MAST4: variants seen among roughly 807,000 people sequenced by gnomAD.
The protein encoded by MAST4 is microtubule associated serine/threonine kinase family member 4, also known as microtubule-associated serine/threonine-protein kinase 4.
A neutral mutation model predicts 162.7 loss-of-function variants in MAST4; 89 were observed. The ratio of observed to expected loss-of-function variants is 0.55; its 90% CI spans 0.46 to 0.65. MAST4 has a LOEUF of 0.65. Ranked by LOEUF, MAST4 falls within the 30% of genes least tolerant of loss-of-function variation. The pLI is 0.00. For synonymous variants in MAST4, 1,479 were observed against 1,361.1 expected (o/e 1.09, Z -1.91); for missense variants, 3,153 against 3,374.0 (o/e 0.93, Z 1.62).
intron 1 of MAST4, among the ~76,000 whole-genome samples, chr5:66,749,309 T>C (rs1752986451): frequency 6.6e-6 from 1 of 152,138 alleles, no homozygotes; most frequent in South Asian, 2.1e-4. Flanking sequence ...CAATTCCCAC[T>C]GGGGCTAGGT....
intron 1 of MAST4, among the ~76,000 whole-genome samples, chr5:66,710,637 C>T (rs1206391150): frequency 6.6e-6 from 1 of 152,088 alleles, no homozygotes; most frequent in Admixed American, 6.5e-5. Flanking sequence ...AAATAGGTAT[C>T]TTCCTTCTGT....
At chr5:66,695,307 C>G (rs193106366) in intron 1 of MAST4, among the ~76,000 whole-genome samples, 6 of 152,196 alleles carry the variant, frequency 3.9e-5, no homozygotes, top group African/African-American at 1.2e-4. Context: ...TCAGGTTTGC[C>G]GAAGATCGGA....
At chr5:66,832,967 G>A (rs920898863) in intron 3 of MAST4, among the ~76,000 whole-genome samples, 10 of 152,132 alleles carry the variant, frequency 6.6e-5, no homozygotes, top group African/African-American at 2.4e-4. Flanking sequence ...TCCGAGTGGT[G>A]TTTCTTACCC....
chr5:66,951,598 A>ATATG (rs3221116), intron 4 of MAST4, among the ~76,000 whole-genome samples: 3 of 122,340 alleles, frequency 2.5e-5, no homozygotes, highest in African/African-American at 6.0e-5. Context: ...CTCCCATGAT[A>ATATG]TGTGTGTGTG....
At chr5:67,120,687 A>G (rs183665600) in intron 13 of MAST4, among the ~76,000 whole-genome samples, 2 of 152,326 alleles carry the variant, frequency 1.3e-5, no homozygotes, top group Admixed American at 6.5e-5. Context: ...CAGAAACCAA[A>G]AGGAAAGCTT....
At chr5:66,838,337 CT>C (rs1349942662) in intron 3 of MAST4, among the ~76,000 whole-genome samples, 1 of 152,002 alleles carries the variant, frequency 6.6e-6, no homozygotes, top group Non-Finnish European at 1.5e-5. Flanking sequence ...AATGTATGTG[CT>C]TTTTTGATGA....
chr5:67,063,326 G>A (rs567294053), intron 5 of MAST4, among the ~76,000 whole-genome samples: 44 of 152,216 alleles, frequency 2.9e-4, no homozygotes, highest in Non-Finnish European at 5.1e-4. Flanking sequence ...GTCAATAATC[G>A]GGTGTATATA....
chr5:66,825,873 G>T (rs534470675), intron 3 of MAST4, among the ~76,000 whole-genome samples: 1 of 152,238 alleles, frequency 6.6e-6, no homozygotes, highest in African/African-American at 2.4e-5. Flanking sequence ...ATTGAGGCTG[G>T]TACTTTGTGA....
intron 16 of MAST4, among the ~76,000 whole-genome samples, chr5:67,132,907 C>A (rs1030201190): frequency 2.0e-5 from 3 of 151,972 alleles, no homozygotes; most frequent in Non-Finnish European, 2.9e-5. Context: ...TTAAAAAATA[C>A]CTCTATTCTT....
chr5:67,007,459 T>A (rs1339137437), intron 4 of MAST4, among the ~76,000 whole-genome samples: 1 of 152,228 alleles, frequency 6.6e-6, no homozygotes, highest in African/African-American at 2.4e-5. Flanking sequence ...TTAGTTCCTC[T>A]CCTGCACACT....
intron 23 of MAST4, 135 bp downstream of exon 23, chr5:67,145,514 C>A: frequency 2.9e-6 from 2 of 688,052 alleles, no homozygotes; most frequent in Non-Finnish European, 4.9e-6. Context: ...TGGCCTCAGT[C>A]CTTAGGCTTG....
intron 1 of MAST4, among the ~76,000 whole-genome samples, chr5:66,742,436 T>G (rs1752527669): frequency 1.3e-5 from 2 of 152,194 alleles, no homozygotes; most frequent in African/African-American, 4.8e-5. Flanking sequence ...ATTAATAATT[T>G]TAGAATAAAA....
At chr5:66,770,306 G>A (rs906966462) in intron 2 of MAST4, among the ~76,000 whole-genome samples, 15 of 152,180 alleles carry the variant, frequency 9.9e-5, no homozygotes, top group African/African-American at 3.6e-4. Context: ...TGTAAGTGTT[G>A]CAATTCCTCC....
intron 3 of MAST4, among the ~76,000 whole-genome samples, chr5:66,835,201 G>T (rs1757878545): frequency 6.6e-6 from 1 of 152,120 alleles, no homozygotes; most frequent in African/African-American, 2.4e-5. Context: ...ATTATGTTGT[G>T]CCCTGTCTCT....
intron 4 of MAST4, among the ~76,000 whole-genome samples, chr5:66,949,166 C>T (rs1270866290): frequency 1.3e-5 from 2 of 152,248 alleles, no homozygotes; most frequent in African/African-American, 4.8e-5. Flanking sequence ...TGGAAAAGCA[C>T]AGCTTACTAC....
chr5:66,738,138 T>G (rs1752259448), intron 1 of MAST4: 1 of 152,208 alleles, frequency 6.6e-6, no homozygotes, highest in Non-Finnish European at 1.5e-5. Context: ...AGTGTATTTC[T>G]TACTCGTGCT....
At chr5:67,094,917 G>GC (rs1221333957) in intron 6 of MAST4, among the ~76,000 whole-genome samples, 1 of 152,084 alleles carries the variant, frequency 6.6e-6, no homozygotes, top group African/African-American at 2.4e-5. Context: ...GTTTCACTCT[G>GC]CCCCCACTGT....
In MAST4 at chr5:67,110,176, C is replaced by A; in HGVS notation, c.1435C>A (p.Pro479Thr). ...AAAGATCCTAATTGTTATTGCCCGC[C>A]CTGCTCGGTTATTAGAGTGCCTGGT... is the stretch of plus-strand genomic sequence containing the variant. ...VRKILIVIAR[P>T]ARLLECLEFD... Residue 479 changes from proline (P) to threonine (T), a missense_variant, in exon 11 of 29, where the codon CCT becomes ACT. By Grantham distance (38) the Pro-to-Thr change is conservative. Coordinates refer to ENST00000403625, the MANE Select transcript of MAST4 (RefSeq NM_001164664.2). 1.2e-6 allele frequency: 2 copies of A among 1,613,434 alleles called. No individual in the cohort carries two copies. The highest frequency in any genetic ancestry group is 1.7e-6 in the Non-Finnish European group (2 of 1,179,450).
At chr5:66,643,127 A>G (rs1238956160) in intron 1 of MAST4, among the ~76,000 whole-genome samples, 1 of 152,174 alleles carries the variant, frequency 6.6e-6, no homozygotes, top group Non-Finnish European at 1.5e-5. Context: ...CTTGTCAGTT[A>G]TCTGACATTA....
Sources: allele counts gnomAD v4.1 joint callset (sites outside exome capture counted in the v4.1 genomes callset), GRCh38; gene constraint gnomAD v4.1.1; transcripts MANE v1.5; gene names NCBI Gene and HGNC (gene_info 2026-07-23, HGNC 2026-07-21).